KIAA1549L: variants seen among roughly 807,000 people sequenced by gnomAD.
The protein encoded by KIAA1549L is KIAA1549 like.
In KIAA1549L, 88 loss-of-function variants were observed where a neutral mutation model predicts 160.7. The ratio of observed to expected loss-of-function variants is 0.55; its 90% confidence interval spans 0.46 to 0.65. The LOEUF is 0.65. KIAA1549L is among the 30% of genes least tolerant of loss of function. The pLI is 0.00. For missense variants in KIAA1549L, 2,258 were observed against 2,437.5 expected (o/e 0.93, Z 1.55); for synonymous variants, 950 against 976.7 (o/e 0.97, Z 0.51).
At chr11:33,589,295 A>G (rs1220495770) in intron 11 of KIAA1549L, among the ~76,000 whole-genome samples, 1 of 152,164 alleles carries the variant, frequency 6.6e-6, no homozygotes, top group East Asian at 1.9e-4. Flanking sequence ...AAATAGGAAC[A>G]CTTTTACACC....
intron 1 of KIAA1549L, among the ~76,000 whole-genome samples, chr11:33,414,359 C>T (rs999582031): frequency 1.3e-5 from 2 of 152,110 alleles, no homozygotes; most frequent in African/African-American, 4.8e-5. Flanking sequence ...AGATGTGATG[C>T]ATAGTATCTA....
intron 16 of KIAA1549L, among the ~76,000 whole-genome samples, chr11:33,621,545 T>C (rs1419081492): frequency 6.6e-6 from 1 of 152,088 alleles, no homozygotes; most frequent in Non-Finnish European, 1.5e-5. Context: ...ATAAAGCAGG[T>C]AGAAAAGAAA....
chr11:33,617,266 G>T (rs780013063), intron 15 of KIAA1549L, among the ~76,000 whole-genome samples: 7 of 152,172 alleles, frequency 4.6e-5, no homozygotes, highest in Non-Finnish European at 8.8e-5. Flanking sequence ...GCAGGATCGT[G>T]TGGAACTCAC....
rs988603008 is a variant in KIAA1549L at position 33,673,412 on chromosome 11, C to CA, written c.*5259dup. The CA allele has an allele frequency of 1.3e-5, 2 of 152,144 alleles. No homozygotes were observed. The highest frequency in any genetic ancestry group is 4.8e-5 in the African/African-American group (2 of 41,420). 9.4% of individuals were successfully genotyped at this position (152,144 alleles called of 1,614,324 possible). A position where few individuals can be genotyped will look rare whatever the true frequency, so the allele number is the denominator to read the frequency against. ...TCTTCCTTATGTTTAAACACGCCCC[C>CA]ATCTCACACACAAACTGAGAAAAGA... On this transcript the variant is annotated 3_prime_UTR_variant, in exon 21 of 21. Transcript: ENST00000658780.
At chr11:33,663,932 C>T (rs2133453725) in intron 20 of KIAA1549L, among the ~76,000 whole-genome samples, 1 of 152,276 alleles carries the variant, frequency 6.6e-6, no homozygotes, top group Admixed American at 6.5e-5. Flanking sequence ...GGAAAGGTCT[C>T]CTGAAAGAAA....
At chr11:33,579,201 A>ATATG (rs962093288) in intron 10 of KIAA1549L, among the ~76,000 whole-genome samples, 3 of 152,178 alleles carry the variant, frequency 2.0e-5, no homozygotes, top group African/African-American at 7.2e-5. Context: ...AGAGCTACAT[A>ATATG]GGAGATTAAA....
chr11:33,480,562 G>A (rs1267207689), intron 1 of KIAA1549L, among the ~76,000 whole-genome samples: 1 of 152,136 alleles, frequency 6.6e-6, no homozygotes, highest in African/African-American at 2.4e-5. Flanking sequence ...GGGTTATATG[G>A]TAACTGTGTG....
chr11:33,465,430 G>A (rs1852036980), intron 1 of KIAA1549L, among the ~76,000 whole-genome samples: 1 of 152,062 alleles, frequency 6.6e-6, no homozygotes, highest in Admixed American at 6.5e-5. Flanking sequence ...TTGCTCAGGG[G>A]CTCCACTGAG....
Position 33,568,091 on chromosome 11 carries a change from A to G in KIAA1549L, c.4094A>G (p.Asp1365Gly). 1.2e-6 allele frequency: 2 copies of G among 1,611,236 alleles called. No homozygotes were observed. The highest frequency in any genetic ancestry group is 1.7e-6 in the Non-Finnish European group (2 of 1,178,766). The change falls in exon 9 of 21, where the codon GAC becomes GGC. Residue 1365 changes from aspartate to glycine, a missense_variant. Asp to Gly is a moderately conservative substitution (Grantham distance 94). This residue lies in a region of KIAA1549L where 1,359 missense variants were observed against 1,546.6 expected (regional missense o/e 0.88). Transcript: ENST00000658780. ...GCATCCACAGTGCTGCAGGGTGTGG[A>G]CAATTCGCTGGTGGGCCTGCACAAC... is the stretch of plus-strand genomic sequence containing the variant. Reference protein sequence around the residue: ...YWVITVLQGVDNSLVGLHNQS... With the variant: ...YWVITVLQGVGNSLVGLHNQS...
At chr11:33,578,287 T>A (rs1855522512) in intron 10 of KIAA1549L, among the ~76,000 whole-genome samples, 1 of 152,110 alleles carries the variant, frequency 6.6e-6, no homozygotes, top group South Asian at 2.1e-4. Flanking sequence ...GAGGCTCAGC[T>A]GTCACTCAAG....
Position 33,574,782 on chromosome 11 carries a change from G to A in KIAA1549L, c.4311G>A (p.Leu1437=). 2 of 1,614,022 alleles carry A rather than the reference G, an allele frequency of 1.2e-6. No individual in the cohort carries two copies. The highest frequency in any genetic ancestry group is 8.5e-7 in the Non-Finnish European group (1 of 1,179,876). The change falls in exon 10 of 21, where the codon TTG becomes TTA. Residue 1437 remains leucine (L), a synonymous_variant. Transcript: ENST00000658780. ...ATACCCTGTACAACGGGAAGCCTTTGTTGGGGACCGCAGCTGCCAAGATCC... is the reference window on the plus strand; with the variant it reads ...ATACCCTGTACAACGGGAAGCCTTTATTGGGGACCGCAGCTGCCAAGATCC... The part of the protein sequence containing the change: ...TYYTLYNGKP[L]LGTAAAKILS...
At chr11:33,385,416 G>A (rs1234199132) in intron 1 of KIAA1549L, among the ~76,000 whole-genome samples, 1 of 152,164 alleles carries the variant, frequency 6.6e-6, no homozygotes, top group South Asian at 2.1e-4. Context: ...TAGAAGTTTA[G>A]CAATATTTCT....
chr11:33,507,394 T>C (rs74535803), intron 1 of KIAA1549L, among the ~76,000 whole-genome samples: 83 of 152,302 alleles, frequency 5.4e-4, no homozygotes, highest in African/African-American at 1.9e-3. Context: ...ACTGAGCAGT[T>C]GTAAATAGGT....
At chr11:33,606,894 C>A in intron 14 of KIAA1549L, 72 bp downstream of exon 14, 1 of 1,297,422 alleles carries the variant, frequency 7.7e-7, no homozygotes, top group Non-Finnish European at 1.1e-6. Context: ...GGAACAACAC[C>A]TGTGAATACT....
At chr11:33,524,539 GAATA>G (rs1396959259) in intron 1 of KIAA1549L, among the ~76,000 whole-genome samples, 1 of 151,866 alleles carries the variant, frequency 6.6e-6, no homozygotes, top group Non-Finnish European at 1.5e-5. Flanking sequence ...TTTTATATAT[GAATA>G]AAGAGTTTCT....
intron 2 of KIAA1549L, 38 bp downstream of exon 2, chr11:33,544,374 C>G (rs767462181): frequency 1.9e-6 from 3 of 1,600,030 alleles, no homozygotes; most frequent in Non-Finnish European, 2.6e-6. Context: ...TTCCCGGTAC[C>G]CCCAAAACAG....
intron 1 of KIAA1549L, chr11:33,403,709 C>T (rs1415308150): frequency 6.6e-6 from 1 of 152,224 alleles, no homozygotes; most frequent in African/African-American, 2.4e-5. Context: ...CTGCTTTTCC[C>T]TTTGCTTCTC....
chr11:33,628,917 C>G (rs1414265721), intron 16 of KIAA1549L, among the ~76,000 whole-genome samples: 2 of 151,796 alleles, frequency 1.3e-5, no homozygotes, highest in African/African-American at 4.9e-5. Flanking sequence ...TTTGCATCGG[C>G]TGGTACCGGT....
At chr11:33,632,202 A>T (rs1851313728) in intron 16 of KIAA1549L, among the ~76,000 whole-genome samples, 1 of 152,234 alleles carries the variant, frequency 6.6e-6, no homozygotes, top group Admixed American at 6.5e-5. Flanking sequence ...CCTCTGCATT[A>T]TACACAGGTC....
Sources: gnomAD v4.1 joint callset for allele counts (sites outside exome capture counted in the v4.1 genomes callset) on GRCh38, gnomAD v4.1.1 for gene constraint, gnomAD v4.1.1 regional missense constraint, MANE v1.5 for transcripts, NCBI Gene and HGNC (gene_info 2026-07-23, HGNC 2026-07-21) for gene names.